BDH1: variants seen among roughly 807,000 people sequenced by gnomAD.
BDH1 encodes 3-hydroxybutyrate dehydrogenase 1.
BDH1 carries 30 observed loss-of-function variants against 33.1 expected under a neutral mutation model. That is an observed-to-expected ratio of 0.91 (90% CI 0.68 to 1.23). The LOEUF is 1.23. Ranked by LOEUF, BDH1 falls within the 50% of genes most tolerant of loss-of-function variation. The pLI is 0.00. For synonymous variants in BDH1, 190 were observed against 183.6 expected, an observed-to-expected ratio of 1.03 and a Z score of -0.28; for missense variants, 443 against 464.4, an observed-to-expected ratio of 0.95 and a Z score of 0.42.
chr3:197,553,824 G>A (rs1716771215), intron 2 of BDH1, among the ~76,000 whole-genome samples: 1 of 152,196 alleles, frequency 6.6e-6, no homozygotes. Context: ...TGAAGGTAGA[G>A]TCCGCTACCA....
chr3:197,545,110 C>T (rs1388130464), intron 3 of BDH1, among the ~76,000 whole-genome samples: 2 of 152,086 alleles, frequency 1.3e-5, no homozygotes, highest in South Asian at 2.1e-4. Context: ...TTGAATTTAA[C>T]ATAATCTTCA....
chr3:197,533,587 T>C, intron 3 of BDH1, 26 bp from the exon 4 acceptor site: 1 of 1,611,018 alleles, frequency 6.2e-7, no homozygotes, highest in Non-Finnish European at 8.5e-7. Flanking sequence ...AAGCCGTGAG[T>C]ACAAGGACAG....
At chr3:197,559,393 G>GA (rs1431926940), upstream of BDH1, among the ~76,000 whole-genome samples, 1 of 152,196 alleles carries the variant, frequency 6.6e-6, no homozygotes, top group Non-Finnish European at 1.5e-5. Context: ...TCCCCTGTGA[G>GA]ATTTGTTCTC....
chr3:197,514,407 C>A lies in BDH1; in HGVS notation c.419G>T (p.Gly140Val), dbSNP rs1712463241. 6.2e-7 allele frequency: 1 copy of A among 1,607,194 alleles called. No individual in the cohort carries two copies. Among genetic ancestry groups the A allele is most frequent in the South Asian group, 1.1e-5 (1 of 89,916 alleles). ...TGAGATGCCGGCATTGTTAACGAGGCCCCACATGCCTGGACAGGAGAGGGA... is the reference window on the plus strand; with the variant it reads ...TGAGATGCCGGCATTGTTAACGAGGACCCACATGCCTGGACAGGAGAGGGA... ...SLKDPEKGMW[G>V]LVNNAGISTF... Residue 140 changes from glycine to valine, a missense_variant, in exon 7 of 8, where the codon GGC (glycine) becomes GTC (valine). Transcript: ENST00000392379. This position sits in a 1 kb window ranked among gnomAD's most constrained non-coding sequence, Gnocchi z 4.2.
chr3:197,522,512 G>T lies in BDH1; in HGVS notation c.409+128C>A. The T allele has an allele frequency of 1.6e-6, 2 of 1,214,328 alleles. No homozygotes were observed. The highest frequency in any genetic ancestry group is 2.3e-6 in the Non-Finnish European group (2 of 857,730). The allele number at this position is 1,214,328 out of a possible 1,614,324, so 75.2% of individuals were successfully genotyped here. On this transcript the variant is annotated intron_variant, in intron 6 of 7. Transcript: ENST00000392379. The surrounding 1 kb of genome is among the most constrained non-coding windows in gnomAD (Gnocchi z 4.8). The stretch of plus-strand genomic sequence containing the variant: ...TAATCCTCTTCCTCCTACTGTGCAG[G>T]AGGAAGAGCCTAAACAATAAGGAAG...
chr3:197,569,823 G>A (rs2108778283), intron 1 of BDH1, among the ~76,000 whole-genome samples: 1 of 152,306 alleles, frequency 6.6e-6, no homozygotes, highest in South Asian at 2.1e-4. Flanking sequence ...TCAGCAGCAA[G>A]AAAACAGACT....
chr3:197,561,347 C>CT (rs961979180), intron 1 of BDH1, among the ~76,000 whole-genome samples: 28 of 151,874 alleles, frequency 1.8e-4, no homozygotes, highest in Middle Eastern at 3.2e-3. Context: ...TCCCCCCCAC[C>CT]TTTTTTTTGG....
At chr3:197,535,059 T>C (rs1715028842) in intron 3 of BDH1, among the ~76,000 whole-genome samples, 1 of 152,194 alleles carries the variant, frequency 6.6e-6, no homozygotes, top group Non-Finnish European at 1.5e-5. Context: ...AAAGGTCTCT[T>C]TTATAAAGAC....
In BDH1 at chr3:197,512,310, G is replaced by A; in HGVS notation, c.617C>T (p.Ser206Phe). Residue 206 changes from serine (S) to phenylalanine (F), a missense_variant, in exon 8 of 8, where the codon TCC becomes TTC. Ser to Phe is a radical substitution (Grantham distance 155, BLOSUM62 -2). Transcript: ENST00000392379. ...CCCGAACTTGGTGATGCAGTACGGG[G>A]AGCGGGCCGGGTTGGCCATGCGGCC... is the stretch of plus-strand genomic sequence containing the variant. ...MLGRMANPAR[S>F]PYCITKFGVE... is the part of the protein sequence containing the mutation. The A allele has an allele frequency of 6.2e-7, 1 of 1,611,722 alleles. No individual in the cohort carries two copies. Among genetic ancestry groups the A allele is most frequent in the Non-Finnish European group, 8.5e-7 (1 of 1,179,988 alleles).
At position 197,554,526 on chromosome 3, in the gene BDH1, G is replaced by A. The variant is rs930632614; in HGVS notation, c.-44+36C>T. The stretch of plus-strand genomic sequence containing the variant: ...GATATATACGCCCTATGCAGAGCCC[G>A]GCTCCAACGCCTCTTGTAGAAAGAA... On this transcript the variant is annotated intron_variant, in intron 2 of 7. Transcript: ENST00000392379. This position sits in a 1 kb window ranked among gnomAD's most constrained non-coding sequence, Gnocchi z 4.4. 6.6e-6 allele frequency: 1 copy of A among 152,208 alleles called. No individual in the cohort carries two copies. The highest frequency in any genetic ancestry group is 1.5e-5 in the Non-Finnish European group (1 of 68,030). The allele number at this position is 152,208 out of a possible 1,614,324, so 9.4% of individuals were successfully genotyped here. A position where few individuals can be genotyped will look rare whatever the true frequency, so the allele number is the denominator to read the frequency against.
At position 197,514,361 on chromosome 3, in the gene BDH1, G is replaced by A. The variant is rs1331148996; in HGVS notation, c.465C>T (p.Phe155=). The change falls in exon 7 of 8, where the codon TTC becomes TTT. Residue 155 remains phenylalanine, a synonymous_variant. Transcript: ENST00000392379. The surrounding 1 kb of genome is among the most constrained non-coding windows in gnomAD (Gnocchi z 4.2). ...CCTGCTTGTAGGTCTCCAGGCTGGT[G>A]AACTCCACCTCCCCGAACGTTGAGA... ...AGISTFGEVE[F]TSLETYKQVA... The A allele has an allele frequency of 1.2e-6, 2 of 1,613,460 alleles. No homozygotes were observed. Among genetic ancestry groups the A allele is most frequent in the Admixed American group, 3.3e-5 (2 of 59,952 alleles).
At chr3:197,547,950 T>C (rs1348008843) in intron 2 of BDH1, among the ~76,000 whole-genome samples, 1 of 152,256 alleles carries the variant, frequency 6.6e-6, no homozygotes, top group Non-Finnish European at 1.5e-5. Context: ...TCATAGCAGC[T>C]ACCTTAATTC....
intron 1 of BDH1, among the ~76,000 whole-genome samples, chr3:197,569,181 C>T (rs1465313077): frequency 6.6e-6 from 1 of 152,144 alleles, no homozygotes. Context: ...ACCAATTGTT[C>T]TGAGGTTCTT....
At position 197,525,863 on chromosome 3, in the gene BDH1, T is replaced by C. The variant is rs1487737857; in HGVS notation, c.268-3082A>G. ...GGTTTCTGTGCTCCCTCTGCAGGTC[T>C]CCGTGCTCCCTCTGCAGGTCTGTGT... On this transcript the variant is annotated intron_variant, in intron 5 of 7. Coordinates refer to ENST00000392379, the MANE Select transcript of BDH1 (RefSeq NM_203314.3). The surrounding 1 kb of genome is among the most constrained non-coding windows in gnomAD (Gnocchi z 4.9). 6.6e-6 allele frequency among the ~76,000 whole-genome samples: 1 copy of C among 151,686 alleles called. No individual in the cohort carries two copies. Among genetic ancestry groups the C allele is most frequent in the Non-Finnish European group, 1.5e-5 (1 of 67,998 alleles).
intron 1 of BDH1, among the ~76,000 whole-genome samples, chr3:197,570,534 G>C (rs1717573950): frequency 6.6e-6 from 1 of 152,202 alleles, no homozygotes; most frequent in South Asian, 2.1e-4. Context: ...TGCATCTTAG[G>C]GACTTGGCAC....
intron 5 of BDH1, chr3:197,530,596 AAGAT>A (rs1714555211): frequency 6.6e-6 from 1 of 152,476 alleles, no homozygotes; most frequent in South Asian, 2.1e-4. Flanking sequence ...AAAAAAAAAA[AAGAT>A]AACCCCCCAA....
intron 7 of BDH1, 51 bp from the exon 8 acceptor site, chr3:197,512,415 A>G: frequency 6.5e-7 from 1 of 1,534,560 alleles, no homozygotes; most frequent in Non-Finnish European, 8.8e-7. Context: ...CCTATGACAC[A>G]GCGGGCAGAA....
chr3:197,571,741 A>C (rs1717613260), intron 1 of BDH1, among the ~76,000 whole-genome samples: 1 of 152,212 alleles, frequency 6.6e-6, no homozygotes, highest in African/African-American at 2.4e-5. Flanking sequence ...TTTATCAGCA[A>C]TAAGGAAATG....
Position 197,514,555 on chromosome 3 carries a change from T to C in BDH1, c.410-139A>G. The C allele has an allele frequency of 1.9e-6, 2 of 1,027,512 alleles. No individual in the cohort carries two copies. The highest frequency in any genetic ancestry group is 1.6e-5 in the African/African-American group (1 of 61,052). 63.6% of individuals were successfully genotyped at this position (1,027,512 alleles called of 1,614,324 possible). On this transcript the variant is annotated intron_variant, in intron 6 of 7. Transcript: ENST00000392379. The surrounding 1 kb of genome is among the most constrained non-coding windows in gnomAD (Gnocchi z 4.2). ...CGCCCAGTGCTCTCAAGAAACTTTC[T>C]AGAGTCACTCAGGAACGACAGGAGG...
Sources: allele counts gnomAD v4.1 joint callset (sites outside exome capture counted in the v4.1 genomes callset), GRCh38; gene constraint gnomAD v4.1.1; non-coding constraint Gnocchi (gnomAD v3.1); transcripts MANE v1.5; gene names NCBI Gene and HGNC (gene_info 2026-07-23, HGNC 2026-07-21).